GPC1: variants seen among roughly 807,000 people sequenced by gnomAD.
GPC1 encodes the protein glypican-1.
A neutral mutation model predicts 51.5 loss-of-function variants in GPC1; 26 were observed. The ratio of observed to expected loss-of-function variants is 0.50; its 90% CI spans 0.37 to 0.70. GPC1 has a LOEUF of 0.70. Ranked by LOEUF, GPC1 falls within the 30% of genes least tolerant of loss-of-function variation. GPC1 has a pLI of 0.00. For synonymous variants in GPC1, 380 were observed against 348.3 expected, an observed-to-expected ratio of 1.09 and a Z score of -1.01; for missense variants, 775 against 800.5, an observed-to-expected ratio of 0.97 and a Z score of 0.38.
intron 4 of GPC1, chr2:240,463,775 A>G: frequency 3.7e-6 from 2 of 533,336 alleles, no homozygotes; most frequent in East Asian, 3.1e-5. Context: ...CCACTTAGCA[A>G]GCACCTCGGT....
At position 240,464,741 on chromosome 2, in the gene GPC1, G is replaced by T. The variant is rs748024870; in HGVS notation, c.1009G>T (p.Ala337Ser). ...CCAGGACAACAGGGACACGCTCACGGCCAAGGTGCGGGCAGGAGGACGTGA... is the reference window on the plus strand; with the variant it reads ...CCAGGACAACAGGGACACGCTCACGTCCAAGGTGCGGGCAGGAGGACGTGA... ...ALQDNRDTLT[A>S]KVIQGCGNPK... is the part of the protein sequence containing the mutation. Residue 337 changes from alanine (A) to serine (S), a missense_variant, in exon 5 of 9, where the codon GCC becomes TCC. Physicochemically the swap from Ala to Ser is moderately conservative, Grantham distance 99. Transcript: ENST00000264039. 1 of 1,607,366 alleles carries T rather than the reference G, an allele frequency of 6.2e-7. No homozygotes were observed. Among genetic ancestry groups the T allele is most frequent in the South Asian group, 1.1e-5 (1 of 90,166 alleles).
At chr2:240,455,528 G>C (rs2074150562) in intron 1 of GPC1, among the ~76,000 whole-genome samples, 1 of 152,198 alleles carries the variant, frequency 6.6e-6, no homozygotes, top group Non-Finnish European at 1.5e-5. Context: ...CTCCCTCTGG[G>C]TTGGAGGAGG....
intron 2 of GPC1, 37 bp from the exon 3 acceptor site, chr2:240,462,154 A>T: frequency 6.6e-7 from 1 of 1,511,440 alleles, no homozygotes; most frequent in Non-Finnish European, 8.9e-7. Flanking sequence ...ACGGCGGGGG[A>T]AACATGGTCC....
At chr2:240,442,696 A>T (rs1347671861) in intron 1 of GPC1, among the ~76,000 whole-genome samples, 1 of 152,190 alleles carries the variant, frequency 6.6e-6, no homozygotes, top group Non-Finnish European at 1.5e-5. Context: ...GGCCTCAGCC[A>T]TGTGGGTTTT....
At chr2:240,442,140 T>G (rs936611109) in intron 1 of GPC1, among the ~76,000 whole-genome samples, 6 of 151,686 alleles carry the variant, frequency 4.0e-5, no homozygotes, top group African/African-American at 1.2e-4. Context: ...GTGTCCTCCC[T>G]GTGCCCACCC....
Position 240,435,877 on chromosome 2 carries a change from G to GA in GPC1, c.-41dup, listed in dbSNP as rs1182100687. 1 of 1,193,082 alleles carries GA rather than the reference G, an allele frequency of 8.4e-7. No homozygotes were observed. Among genetic ancestry groups the GA allele is most frequent in the African/African-American group, 1.6e-5 (1 of 62,912 alleles). 73.9% of individuals were successfully genotyped at this position (1,193,082 alleles called of 1,614,324 possible). A position where few individuals can be genotyped will look rare whatever the true frequency, so the allele number is the denominator to read the frequency against. On this transcript the variant is annotated 5_prime_UTR_variant, in exon 1 of 9. Transcript: ENST00000264039. The stretch of plus-strand genomic sequence containing the variant: ...TGCGCAGGACCCGGCCAGGATCCGA[G>GA]AGAGGCGCGGGCGGGTGGCCGGGGG...
rs1384495251 is a variant in GPC1 at position 240,464,607 on chromosome 2, C to T, written c.884-9C>T. On this transcript the variant is annotated splice_polypyrimidine_tract_variant and intron_variant, in intron 4 of 8. Coordinates refer to ENST00000264039, the MANE Select transcript of GPC1 (RefSeq NM_002081.3). Reference sequence around the variant, plus strand: ...CGCCTGTGTGTCCGCGTGTTAACGCCTGTCCTAGACTCCATGGTGCTCATC... The same window carrying T: ...CGCCTGTGTGTCCGCGTGTTAACGCTTGTCCTAGACTCCATGGTGCTCATC... 1 of 1,598,192 alleles carries T rather than the reference C, an allele frequency of 6.3e-7. No homozygotes were observed. Among genetic ancestry groups the T allele is most frequent in the Non-Finnish European group, 8.5e-7 (1 of 1,172,208 alleles).
At chr2:240,439,297 G>A (rs374979287) in intron 1 of GPC1, among the ~76,000 whole-genome samples, 8 of 152,278 alleles carry the variant, frequency 5.3e-5, no homozygotes, top group Admixed American at 1.3e-4. Flanking sequence ...GGTGGGGAGC[G>A]GGACATGGAG....
intron 7 of GPC1, 62 bp downstream of exon 7, chr2:240,465,272 G>A: frequency 6.5e-7 from 1 of 1,531,368 alleles, no homozygotes; most frequent in Non-Finnish European, 8.8e-7. Flanking sequence ...GGCTGTGCCT[G>A]GGCCAGGTGC....
In GPC1 at chr2:240,458,737, C is replaced by T. The variant is rs2151795154; in HGVS notation, c.167-293C>T. 1.0e-5 allele frequency: 4 copies of T among 386,934 alleles called. No individual in the cohort carries two copies. The South Asian group carries it at 2.3e-4, about 23-fold the overall frequency. The allele number at this position is 386,934 out of a possible 1,614,324, so 24.0% of individuals were successfully genotyped here. ...GAACCTGAGGCCAGTTCTTTGCTTG[C>T]AGCTGCTGGGACAGCAGGCTGGGGG... is the stretch of plus-strand genomic sequence containing the variant. On this transcript the variant is annotated intron_variant, in intron 1 of 8. Transcript: ENST00000264039.
intron 1 of GPC1, chr2:240,456,621 C>G (rs1008909339): frequency 8.5e-6 from 4 of 470,726 alleles, no homozygotes; most frequent in Non-Finnish European, 1.8e-5. Context: ...CTGACCTGTG[C>G]TCTCCTGGTC....
At chr2:240,460,846 C>T (rs2074209337) in intron 2 of GPC1, among the ~76,000 whole-genome samples, 1 of 152,212 alleles carries the variant, frequency 6.6e-6, no homozygotes, top group Non-Finnish European at 1.5e-5. Flanking sequence ...ATGGCAGCTG[C>T]TGTCCCCTCC....
chr2:240,464,013 C>T (rs1403074675), intron 4 of GPC1: 8 of 210,928 alleles, frequency 3.8e-5, no homozygotes, highest in Non-Finnish European at 2.9e-5. Flanking sequence ...TATGTACATG[C>T]TTATCCAGAT....
At chr2:240,456,305 C>T (rs2074162939) in intron 1 of GPC1, among the ~76,000 whole-genome samples, 1 of 152,106 alleles carries the variant, frequency 6.6e-6, no homozygotes, top group Non-Finnish European at 1.5e-5. Flanking sequence ...GTCAGCCTCT[C>T]CCGTCTGCGT....
chr2:240,464,183 A>G (rs1028578585), intron 4 of GPC1: 12 of 238,240 alleles, frequency 5.0e-5, no homozygotes, highest in African/African-American at 2.6e-4. Flanking sequence ...CGTGCACGCA[A>G]CACACACATG....
intron 1 of GPC1, chr2:240,451,614 TG>T (rs1329206939): frequency 8.2e-6 from 2 of 243,968 alleles, no homozygotes; most frequent in Admixed American, 5.6e-5. Flanking sequence ...GTTCGAAGAG[TG>T]GGCTCTGCCT....
intron 3 of GPC1, among the ~76,000 whole-genome samples, chr2:240,463,024 G>C (rs1045325334): frequency 1.5e-4 from 23 of 152,180 alleles, no homozygotes; most frequent in African/African-American, 5.3e-4. Context: ...GGGACATAGG[G>C]AGGGCGTCAG....
intron 1 of GPC1, among the ~76,000 whole-genome samples, chr2:240,446,353 G>A (rs144955911): frequency 2.0e-5 from 3 of 152,270 alleles, no homozygotes; most frequent in Non-Finnish European, 4.4e-5. Context: ...GCTGCAGACA[G>A]AGCCCTTGCT....
intron 1 of GPC1, chr2:240,449,180 C>T (rs576322944): frequency 6.5e-6 from 1 of 152,816 alleles, no homozygotes; most frequent in Non-Finnish European, 1.5e-5. Context: ...GGCCTTAAAC[C>T]TCCTGCTGAC....
Sources: gnomAD v4.1 joint callset for allele counts (sites outside exome capture counted in the v4.1 genomes callset) on GRCh38, gnomAD v4.1.1 for gene constraint, MANE v1.5 for transcripts, NCBI Gene and HGNC (gene_info 2026-07-23, HGNC 2026-07-21) for gene names.